Variants in CSMD2 observed in about 807,000 individuals in gnomAD.
CSMD2 encodes the protein CUB and Sushi multiple domains 2.
A neutral mutation model predicts 398.5 loss-of-function variants in CSMD2; 130 were observed. The ratio of observed to expected loss-of-function variants is 0.33; its 90% CI spans 0.28 to 0.38. The LOEUF (loss-of-function observed/expected upper bound fraction) is 0.38, where lower values mean the gene tolerates loss of function less well. Ranked by LOEUF, CSMD2 falls within the 10% of genes least tolerant of loss-of-function variation. CSMD2 has a pLI of 1.00. For missense variants in CSMD2, 3,829 were observed against 4,764.9 expected (o/e 0.80, Z 5.78); for synonymous variants, 1,828 against 1,908.5 (o/e 0.96, Z 1.10).
intron 3 of CSMD2, among the ~76,000 whole-genome samples, chr1:34,029,110 A>T (rs1164983215): frequency 1.3e-5 from 2 of 152,148 alleles, no homozygotes; most frequent in East Asian, 3.9e-4. Flanking sequence ...GGACACAACA[A>T]CATCATGAAT....
chr1:33,776,396 G>A (rs753003479), intron 12 of CSMD2, among the ~76,000 whole-genome samples: 45 of 152,178 alleles, frequency 3.0e-4, no homozygotes, highest in Non-Finnish European at 5.1e-4. Context: ...GACCGAGGGA[G>A]ATCCTGTGAT....
At chr1:33,984,240 G>A (rs1319759751) in intron 3 of CSMD2, among the ~76,000 whole-genome samples, 1 of 152,070 alleles carries the variant, frequency 6.6e-6, no homozygotes, top group Non-Finnish European at 1.5e-5. Flanking sequence ...GGAAGCCAGG[G>A]AATCTGCATT....
chr1:33,617,670 A>T lies in CSMD2; in HGVS notation c.5828-53T>A. 4 of 1,396,250 alleles carry T rather than the reference A, an allele frequency of 2.9e-6. No homozygotes were observed. In the East Asian group the frequency reaches 9.1e-5, roughly 32 times the overall value. 86.5% of individuals were successfully genotyped at this position (1,396,250 alleles called of 1,614,324 possible). A position where few individuals can be genotyped will look rare whatever the true frequency, so the allele number is the denominator to read the frequency against. On this transcript the variant is annotated intron_variant, in intron 37 of 70. Coordinates refer to ENST00000373381, the MANE Select transcript of CSMD2 (RefSeq NM_001281956.2). ...GAGAATGGACTAGCCCAGCAGGTCA[A>T]CGTGGCGGTAGGCTGGGGTGAGATG... is the stretch of plus-strand genomic sequence containing the variant.
Position 33,895,806 on chromosome 1 carries a change from A to G in CSMD2, c.920+22288T>C, listed in dbSNP as rs543183709. 1.2e-4 allele frequency among the ~76,000 whole-genome samples: 18 copies of G among 152,242 alleles called. No individual in the cohort carries two copies. The South Asian group carries it at 2.7e-3, about 23-fold the overall frequency. The stretch of plus-strand genomic sequence containing the variant: ...GAGTTTGTGGGGTTGTGAATATTAA[A>G]CAACTTTGCAGCCAGGTCTTTCTGG... On this transcript the variant is annotated intron_variant, in intron 5 of 70. Transcript: ENST00000373381.
At chr1:33,953,004 C>T (rs371718079) in intron 3 of CSMD2, among the ~76,000 whole-genome samples, 17 of 152,098 alleles carry the variant, frequency 1.1e-4, no homozygotes, top group African/African-American at 4.1e-4. Context: ...GATGGCTGCA[C>T]GTGGCAAAAA....
intron 2 of CSMD2, among the ~76,000 whole-genome samples, chr1:34,044,592 G>T (rs377216907): frequency 6.6e-6 from 1 of 152,134 alleles, no homozygotes; most frequent in East Asian, 1.9e-4. Flanking sequence ...CTGAAACCCA[G>T]AGTGACCAAA....
At chr1:33,712,040 T>C (rs972116501) in intron 21 of CSMD2, among the ~76,000 whole-genome samples, 2 of 152,112 alleles carry the variant, frequency 1.3e-5, no homozygotes, top group African/African-American at 4.8e-5. Context: ...AAATAAATGT[T>C]CCAGAGAAAC....
chr1:33,889,753 CTGTGTGTGTGTG>C (rs55771161), intron 5 of CSMD2, among the ~76,000 whole-genome samples: 4 of 148,066 alleles, frequency 2.7e-5, no homozygotes, highest in African/African-American at 1.0e-4. Flanking sequence ...ACCTCCTATC[CTGTGTGTGTGTG>C]TGTGTGTGTG....
At position 33,726,700 on chromosome 1, in the gene CSMD2, G is replaced by A; in HGVS notation, c.2369-15C>T. On this transcript the variant is annotated splice_polypyrimidine_tract_variant and intron_variant, in intron 15 of 70. Coordinates refer to ENST00000373381, the MANE Select transcript of CSMD2 (RefSeq NM_001281956.2). ...ACCACAGGGAGCTGGGGGGACAGAA[G>A]GAAGAGAGGCAGCTTTCTTCAGGGA... 1 of 1,601,264 alleles carries A rather than the reference G, an allele frequency of 6.2e-7. No individual in the cohort carries two copies. Among genetic ancestry groups the A allele is most frequent in the South Asian group, 1.1e-5 (1 of 89,636 alleles).
chr1:33,573,714 A>C (rs1375384106), intron 49 of CSMD2, among the ~76,000 whole-genome samples: 1 of 152,206 alleles, frequency 6.6e-6, no homozygotes, highest in Non-Finnish European at 1.5e-5. Flanking sequence ...CAGAGCTCCA[A>C]AAAGAGAGAA....
chr1:33,545,323 A>G (rs1451506466), intron 57 of CSMD2, among the ~76,000 whole-genome samples: 2 of 152,198 alleles, frequency 1.3e-5, no homozygotes, highest in Non-Finnish European at 2.9e-5. Context: ...GAAAAATGAT[A>G]ATTTCTCCCA....
chr1:33,848,206 G>A (rs924765530), intron 5 of CSMD2, among the ~76,000 whole-genome samples: 1 of 152,190 alleles, frequency 6.6e-6, no homozygotes, highest in African/African-American at 2.4e-5. Flanking sequence ...AGTATCCTGG[G>A]GCTGGCAACT....
chr1:33,578,807 G>A (rs1299052673), intron 48 of CSMD2, among the ~76,000 whole-genome samples: 2 of 152,176 alleles, frequency 1.3e-5, no homozygotes, highest in Non-Finnish European at 2.9e-5. Context: ...AGCCACCCCT[G>A]GTGAGGTCCC....
At chr1:34,097,611 C>T (rs1443921606) in intron 1 of CSMD2, among the ~76,000 whole-genome samples, 2 of 118,846 alleles carry the variant, frequency 1.7e-5, no homozygotes, top group Non-Finnish European at 3.5e-5. Flanking sequence ...AGGACATGAA[C>T]AGACACTTCT....
intron 5 of CSMD2, among the ~76,000 whole-genome samples, chr1:33,879,275 G>A (rs1158335549): frequency 6.6e-6 from 1 of 152,122 alleles, no homozygotes; most frequent in East Asian, 1.9e-4. Flanking sequence ...TAAGATCCCA[G>A]GAGCCAGGGA....
chr1:33,762,484 A>T (rs1649948649), intron 13 of CSMD2, among the ~76,000 whole-genome samples: 1 of 152,200 alleles, frequency 6.6e-6, no homozygotes, highest in Admixed American at 6.5e-5. Context: ...CAGTTTTCCC[A>T]GTTCCTCTTC....
intron 64 of CSMD2, among the ~76,000 whole-genome samples, chr1:33,532,406 C>T (rs1410771196): frequency 1.3e-5 from 2 of 152,204 alleles, no homozygotes; most frequent in Non-Finnish European, 2.9e-5. Context: ...TAACCTTAAT[C>T]CTTTCCCTCA....
At chr1:33,871,793 T>G (rs1326432386) in intron 5 of CSMD2, among the ~76,000 whole-genome samples, 1 of 152,190 alleles carries the variant, frequency 6.6e-6, no homozygotes, top group African/African-American at 2.4e-5. Flanking sequence ...ATTTTCGTAT[T>G]TTTCATAGAG....
chr1:34,034,267 C>A (rs1650832564), intron 2 of CSMD2, among the ~76,000 whole-genome samples: 1 of 152,070 alleles, frequency 6.6e-6, no homozygotes, highest in Admixed American at 6.6e-5. Context: ...ACCCACTAGC[C>A]ACAGAGCTAG....
Sources: gnomAD v4.1 joint callset for allele counts (sites outside exome capture counted in the v4.1 genomes callset) on GRCh38, gnomAD v4.1.1 for gene constraint, MANE v1.5 for transcripts, NCBI Gene and HGNC (gene_info 2026-07-23, HGNC 2026-07-21) for gene names.